Variants in NFXL1 observed in about 807,000 individuals in gnomAD.
The protein encoded by NFXL1 is NF-X1-type zinc finger protein NFXL1.
Under a neutral mutation model 123.3 loss-of-function variants are expected in NFXL1, and 66 were observed. That is an observed-to-expected ratio of 0.54 (90% confidence interval 0.44 to 0.66). NFXL1 has a LOEUF of 0.66. Among genes scored for constraint, NFXL1 ranks in the 30% least tolerant of loss-of-function variants. The probability of loss-of-function intolerance (pLI) is 0.00; values close to 1 mark genes in which losing one functional copy is unlikely to be tolerated. For synonymous variants in NFXL1, 346 were observed against 360.8 expected (o/e 0.96, Z 0.46); for missense variants, 944 against 1,125.6 (o/e 0.84, Z 2.31).
At position 47,875,211 on chromosome 4, in the gene NFXL1, C is replaced by G; in HGVS notation, c.2162G>C (p.Cys721Ser). Residue 721 changes from cysteine (C) to serine (S), a missense_variant, in exon 18 of 23, where the codon TGT (cysteine) becomes TCT (serine). Coordinates refer to ENST00000507489, the MANE Select transcript of NFXL1 (RefSeq NM_001278624.2). ...LGCLHPCILR[C>S]HPGECPPCVQ... ...ACAAGGTGGACATTCTCCAGGGTGACATCGCAAAATACATGGGTGAAGACA... is the reference window on the plus strand; with the variant it reads ...ACAAGGTGGACATTCTCCAGGGTGAGATCGCAAAATACATGGGTGAAGACA... 6.2e-7 allele frequency: 1 copy of G among 1,613,110 alleles called. No individual in the cohort carries two copies.
In NFXL1 at chr4:47,880,916, T is replaced by C. The variant is rs185568537; in HGVS notation, c.1917-1799A>G. ...TGTAGAAGCTAAAAAGTTGATCTTA[T>C]AGAAATAAAAAGCAGAATAGTTACA... is the stretch of plus-strand genomic sequence containing the variant. On this transcript the variant is annotated intron_variant, in intron 15 of 22. Transcript: ENST00000507489. 5.4e-3 allele frequency among the ~76,000 whole-genome samples: 810 copies of C among 150,794 alleles called. 7 individuals carry two copies. The highest frequency in any genetic ancestry group is 8.0e-3 in the Non-Finnish European group (542 of 67,812).
rs201719891 is a variant in NFXL1 at position 47,870,890 on chromosome 4, G to GT, written c.2246+4236dup. On this transcript the variant is annotated intron_variant, in intron 18 of 22. Coordinates refer to ENST00000507489, the MANE Select transcript of NFXL1 (RefSeq NM_001278624.2). Reference sequence around the variant, plus strand: ...ACACATCAAAGGGACATGAGAACCAGTTTAAAGACACTCCCATGGGCCTTT... The same window carrying GT: ...ACACATCAAAGGGACATGAGAACCAGTTTTAAAGACACTCCCATGGGCCTTT... Among the ~76,000 whole-genome samples, 108 of 152,270 alleles carry GT rather than the reference G, an allele frequency of 7.1e-4. No individual in the cohort carries two copies. In the East Asian group the frequency reaches 0.018, roughly 25 times the overall value.
At chr4:47,903,964 T>A (rs994084387) in intron 4 of NFXL1, among the ~76,000 whole-genome samples, 16 of 152,170 alleles carry the variant, frequency 1.1e-4, no homozygotes, top group Admixed American at 9.8e-4. Flanking sequence ...CTGATAAAAA[T>A]CAGTTCCCCT....
chr4:47,897,917 T>G lies in NFXL1; in HGVS notation c.1204+50A>C, dbSNP rs181611711. On this transcript the variant is annotated intron_variant, in intron 9 of 22. Coordinates refer to ENST00000507489, the MANE Select transcript of NFXL1 (RefSeq NM_001278624.2). ...AGGACGTCTTTTGAATGTCTTTTCA[T>G]GGCTTGACAGATCATTTCCTATATA... 68 of 1,188,280 alleles carry G rather than the reference T, an allele frequency of 5.7e-5. No individual in the cohort carries two copies. The African/African-American group carries it at 9.6e-4, about 17-fold the overall frequency. The allele number at this position is 1,188,280 out of a possible 1,614,324, so 73.6% of individuals were successfully genotyped here.
At chr4:47,869,655 T>C (rs1735310718) in intron 18 of NFXL1, among the ~76,000 whole-genome samples, 1 of 152,122 alleles carries the variant, frequency 6.6e-6, no homozygotes, top group Non-Finnish European at 1.5e-5. Context: ...AATGAAAGCA[T>C]GAAAATAAAT....
intron 17 of NFXL1, chr4:47,876,962 C>CAAAT (rs58599234): frequency 0.32 from 185,294 of 577,000 alleles, 31,725 homozygotes; most frequent in East Asian, 0.56. Context: ...AAAGACTGAG[C>CAAAT]AAATATTAGG....
In NFXL1 at chr4:47,878,528, G is replaced by A; in HGVS notation, c.2076C>T (p.Asn692=). 6.4e-7 allele frequency: 1 copy of A among 1,571,174 alleles called. No homozygotes were observed. Among genetic ancestry groups the A allele is most frequent in the Non-Finnish European group, 8.6e-7 (1 of 1,160,086 alleles). The part of the protein sequence containing the change: ...VTKTDGCTGK[N]KAGPECLHCE... ...ACATTCAATCTAAGAACATTACCTT[G>A]TTTTTTCCAGTGCAGCCATCAGTTT... The change falls in exon 17 of 23, where the codon AAC becomes AAT. Residue 692 remains asparagine (N), a synonymous_variant. Coordinates refer to ENST00000507489, the MANE Select transcript of NFXL1 (RefSeq NM_001278624.2).
At chr4:47,913,878 T>C (rs1328376304) in intron 2 of NFXL1, 91 bp downstream of exon 2, 14 of 823,032 alleles carry the variant, frequency 1.7e-5, no homozygotes, top group Non-Finnish European at 2.5e-5. Flanking sequence ...GGAAAAGCAG[T>C]GAAAGAAAGA....
chr4:47,913,350 G>A (rs1578047640), intron 2 of NFXL1, among the ~76,000 whole-genome samples: 1 of 152,192 alleles, frequency 6.6e-6, no homozygotes, highest in Non-Finnish European at 1.5e-5. Flanking sequence ...TCCACAGAAG[G>A]ACATGGAATT....
At position 47,885,891 on chromosome 4, in the gene NFXL1, T is replaced by A. The variant is rs746585165; in HGVS notation, c.1652A>T (p.Lys551Met). The change falls in exon 13 of 23, where the codon AAG (lysine) becomes ATG (methionine). Residue 551 changes from lysine (K) to methionine (M), a missense_variant. Physicochemically the swap from Lys to Met is moderately conservative, Grantham distance 95. Transcript: ENST00000507489. ...RERTTRPPKC[K>M]EQCSRPPTCH... ...GCTTCAAACTCACCTGCATTGCTCC[T>A]TGCACTTGGGTGGTCTTGTGGTACG... is the stretch of plus-strand genomic sequence containing the variant. The A allele has an allele frequency of 6.2e-7, 1 of 1,613,956 alleles. No homozygotes were observed. The highest frequency in any genetic ancestry group is 1.7e-5 in the Admixed American group (1 of 60,004).
Position 47,898,719 on chromosome 4 carries a change from T to A in NFXL1, c.1089+38A>T, listed in dbSNP as rs766749810. On this transcript the variant is annotated intron_variant, in intron 8 of 22. Transcript: ENST00000507489. ...TCTAGGTTGTCTATGCTTTCTGTAC[T>A]CTTTAATACCCACCCCTCAAAATGC... is the stretch of plus-strand genomic sequence containing the variant. The A allele has an allele frequency of 5.1e-5, 67 of 1,301,028 alleles. No individual in the cohort carries two copies. In the East Asian group the frequency reaches 1.5e-3, roughly 29 times the overall value. 80.6% of individuals were successfully genotyped at this position (1,301,028 alleles called of 1,614,324 possible).
At chr4:47,850,832 C>T (rs1734074735) in intron 22 of NFXL1, among the ~76,000 whole-genome samples, 1 of 151,818 alleles carries the variant, frequency 6.6e-6, no homozygotes, top group Non-Finnish European at 1.5e-5. Flanking sequence ...ATTCTTCTGG[C>T]TGAAGTATGG....
chr4:47,899,229 C>T (rs1737257977), intron 6 of NFXL1, 109 bp from the exon 7 acceptor site: 1 of 1,289,318 alleles, frequency 7.8e-7, no homozygotes, highest in Non-Finnish European at 1.1e-6. Context: ...TCTTTACTGA[C>T]ACTTTACAAA....
At chr4:47,910,359 T>C (rs188064666) in intron 3 of NFXL1, among the ~76,000 whole-genome samples, 32 of 151,572 alleles carry the variant, frequency 2.1e-4, no homozygotes, top group African/African-American at 7.5e-4. Context: ...TAAAAATAAA[T>C]ACATGAAAAT....
At chr4:47,856,997 C>T (rs372266453) in intron 19 of NFXL1, among the ~76,000 whole-genome samples, 10 of 152,134 alleles carry the variant, frequency 6.6e-5, no homozygotes, top group African/African-American at 2.2e-4. Flanking sequence ...TCTCAAAATA[C>T]GTCTCTATAT....
chr4:47,853,891 T>A (rs1734261930), intron 20 of NFXL1, among the ~76,000 whole-genome samples: 1 of 151,976 alleles, frequency 6.6e-6, no homozygotes, highest in African/African-American at 2.4e-5. Flanking sequence ...AACAGGGAAG[T>A]GGTGTGACTA....
chr4:47,880,131 C>T (rs1188165359), intron 15 of NFXL1, among the ~76,000 whole-genome samples: 1 of 152,026 alleles, frequency 6.6e-6, no homozygotes, highest in Non-Finnish European at 1.5e-5. Context: ...TGCAGTGGCT[C>T]ACACCTGTAA....
rs551658099 is a variant in NFXL1, at chr4:47,862,323, T to C, written c.2316+523A>G. Among the ~76,000 whole-genome samples the C allele has an allele frequency of 8.5e-5, 13 of 152,310 alleles. No homozygotes were observed. The South Asian group carries it at 2.7e-3, about 32-fold the overall frequency. On this transcript the variant is annotated intron_variant, in intron 19 of 22. Transcript: ENST00000507489. ...TAATATAGTAATGAACTTGAAAGGC[T>C]CAATGATCTGAATGGTACCAACACA...
intron 5 of NFXL1, among the ~76,000 whole-genome samples, chr4:47,902,185 AAAAATT>A (rs1486768217): frequency 6.6e-6 from 1 of 152,156 alleles, no homozygotes; most frequent in Non-Finnish European, 1.5e-5. Context: ...CTGTCTCAAA[AAAAATT>A]AAAATTAAAA....
Sources: allele counts gnomAD v4.1 joint callset (sites outside exome capture counted in the v4.1 genomes callset), GRCh38; gene constraint gnomAD v4.1.1; transcripts MANE v1.5; gene names NCBI Gene and HGNC (gene_info 2026-07-23, HGNC 2026-07-21).